PDE3A: variants seen among roughly 807,000 people sequenced by gnomAD.
The protein encoded by PDE3A is cGMP-inhibited 3',5'-cyclic phosphodiesterase 3A.
A neutral mutation model predicts 98.3 loss-of-function variants in PDE3A; 43 were observed. The ratio of observed to expected loss-of-function variants is 0.44; its 90% CI spans 0.34 to 0.56. The LOEUF (loss-of-function observed/expected upper bound fraction) is 0.56. Ranked by LOEUF, PDE3A falls within the 20% of genes least tolerant of loss-of-function variation. PDE3A has a pLI of 0.01. For synonymous variants in PDE3A, 663 were observed against 567.9 expected (o/e 1.17, Z -2.38); for missense variants, 1,427 against 1,440.7 (o/e 0.99, Z 0.15).
Position 20,588,924 on chromosome 12 carries a change from T to TTTTTG in PDE3A, c.1012-24517_1012-24516insTTGTT, listed in dbSNP as rs1242395329. The stretch of plus-strand genomic sequence containing the variant: ...TTAATTCATGGGGTTATCCTTTTTG[T>TTTTTG]TTGTTTGTTTGTTTTTGAGACGGGG... On this transcript the variant is annotated intron_variant, in intron 2 of 15. Coordinates refer to ENST00000359062, the MANE Select transcript of PDE3A (RefSeq NM_000921.5). Among the ~76,000 whole-genome samples the TTTTTG allele has an allele frequency of 9.6e-4, 146 of 152,022 alleles. 1 individual carries two copies. Among genetic ancestry groups the TTTTTG allele is most frequent in the Middle Eastern group, 3.2e-3 (1 of 316 alleles).
intron 1 of PDE3A, among the ~76,000 whole-genome samples, chr12:20,462,034 T>A (rs10841539): frequency 0.27 from 40,877 of 151,978 alleles, 7,118 homozygotes; most frequent in East Asian, 0.66. Flanking sequence ...GCTACTTAGA[T>A]GTAGATAGAG....
intron 10 of PDE3A, among the ~76,000 whole-genome samples, chr12:20,641,070 A>G (rs1944636965): frequency 6.6e-6 from 1 of 152,158 alleles, no homozygotes; most frequent in Admixed American, 6.6e-5. Flanking sequence ...GGGGTATCAC[A>G]TCAACTTAGG....
intron 1 of PDE3A, among the ~76,000 whole-genome samples, chr12:20,478,845 T>C (rs1439018007): frequency 6.6e-6 from 1 of 152,218 alleles, no homozygotes; most frequent in Non-Finnish European, 1.5e-5. Context: ...TCAAATCATT[T>C]CCAGGTCAAA....
intron 2 of PDE3A, among the ~76,000 whole-genome samples, chr12:20,604,758 A>C (rs2121421170): frequency 6.6e-6 from 1 of 152,320 alleles, no homozygotes; most frequent in African/African-American, 2.4e-5. Context: ...CTTAATACAT[A>C]GAGTATGCAG....
intron 1 of PDE3A, among the ~76,000 whole-genome samples, chr12:20,491,807 G>A (rs1442486850): frequency 3.3e-5 from 5 of 152,084 alleles, no homozygotes; most frequent in Non-Finnish European, 7.4e-5. Context: ...TTACTCTACC[G>A]GTATAATCGA....
Position 20,369,243 on chromosome 12 carries a change from C to T in PDE3A, c.-42C>T. Reference sequence around the variant, plus strand: ...CGCGCGTGGGTCGGGGCGGGGGCGTCGGGGGGCCACTGGGAATTCAGTGAA... The same window carrying T: ...CGCGCGTGGGTCGGGGCGGGGGCGTTGGGGGGCCACTGGGAATTCAGTGAA... On this transcript the variant is annotated 5_prime_UTR_variant, in exon 1 of 16. Transcript: ENST00000359062. 7.1e-7 allele frequency: 1 copy of T among 1,417,204 alleles called. No homozygotes were observed. The highest frequency in any genetic ancestry group is 9.4e-7 in the Non-Finnish European group (1 of 1,065,272). The allele number at this position is 1,417,204 out of a possible 1,614,324, so 87.8% of individuals were successfully genotyped here.
At chr12:20,434,100 C>T (rs1944741508) in intron 1 of PDE3A, among the ~76,000 whole-genome samples, 1 of 152,002 alleles carries the variant, frequency 6.6e-6, no homozygotes, top group Non-Finnish European at 1.5e-5. Context: ...CATTGGTATT[C>T]TTTTAAAATA....
chr12:20,490,670 C>T (rs776706249), intron 1 of PDE3A, among the ~76,000 whole-genome samples: 4 of 152,086 alleles, frequency 2.6e-5, no homozygotes, highest in Non-Finnish European at 5.9e-5. Flanking sequence ...CAAAGAAGAC[C>T]ATAAAATTCT....
rs1592049275 is a variant in PDE3A, at chr12:20,552,148, G to A, written c.961-4512G>A. 6.2e-7 allele frequency: 1 copy of A among 1,613,720 alleles called. No homozygotes were observed. Among genetic ancestry groups the A allele is most frequent in the East Asian group, 2.2e-5 (1 of 44,880 alleles). ...TCAGAAACTCACCAACACCAACAGG[G>A]CGCTGGCTCTCAACTGCTTTGCTCC... On this transcript the variant is annotated intron_variant, in intron 1 of 15. Coordinates refer to ENST00000359062, the MANE Select transcript of PDE3A (RefSeq NM_000921.5). The surrounding 1 kb of genome is among the most constrained non-coding windows in gnomAD (Gnocchi z 5.1).
At chr12:20,506,631 A>C (rs1007143037) in intron 1 of PDE3A, among the ~76,000 whole-genome samples, 1 of 152,064 alleles carries the variant, frequency 6.6e-6, no homozygotes, top group Non-Finnish European at 1.5e-5. Flanking sequence ...TGGCTCATAC[A>C]TATCTTCAGA....
chr12:20,436,455 C>T (rs1486371418), intron 1 of PDE3A, among the ~76,000 whole-genome samples: 1 of 152,028 alleles, frequency 6.6e-6, no homozygotes, highest in East Asian at 1.9e-4. Context: ...GTTTTTTTCC[C>T]AAGACTTTTA....
intron 1 of PDE3A, among the ~76,000 whole-genome samples, chr12:20,546,780 G>T (rs1052445499): frequency 6.6e-6 from 1 of 152,036 alleles, no homozygotes; most frequent in Non-Finnish European, 1.5e-5. Context: ...ATATAAGGGT[G>T]TCTTTGTGGC....
chr12:20,403,903 G>C (rs1944179723), intron 1 of PDE3A, among the ~76,000 whole-genome samples: 1 of 151,932 alleles, frequency 6.6e-6, no homozygotes, highest in East Asian at 1.9e-4. Context: ...CGTTAGATTA[G>C]ACATGGTAGG....
chr12:20,685,546 G>A lies in PDE3A; in HGVS notation c.*5275G>A, dbSNP rs1565482307. Among the ~76,000 whole-genome samples the A allele has an allele frequency of 6.6e-6, 1 of 151,920 alleles. No individual in the cohort carries two copies. The highest frequency in any genetic ancestry group is 2.4e-5 in the African/African-American group (1 of 41,324). ...AAAATACTGACCTAGTATCAGTGTA[G>A]GTAAGACCATAAAATACAGTGTATA... On this transcript the variant is annotated 3_prime_UTR_variant, in exon 16 of 16. Coordinates refer to ENST00000359062, the MANE Select transcript of PDE3A (RefSeq NM_000921.5).
intron 1 of PDE3A, among the ~76,000 whole-genome samples, chr12:20,532,057 G>A (rs977833260): frequency 2.0e-5 from 3 of 151,914 alleles, no homozygotes; most frequent in Admixed American, 6.6e-5. Context: ...GCAAAATATG[G>A]AGCAGATACA....
At chr12:20,573,213 AT>A (rs1184211952) in intron 2 of PDE3A, among the ~76,000 whole-genome samples, 1 of 152,112 alleles carries the variant, frequency 6.6e-6, no homozygotes, top group Non-Finnish European at 1.5e-5. Flanking sequence ...TTGAATATGT[AT>A]TTTTGCCATA....
At chr12:20,565,846 A>G (rs1942641949) in intron 2 of PDE3A, among the ~76,000 whole-genome samples, 1 of 151,994 alleles carries the variant, frequency 6.6e-6, no homozygotes, top group Admixed American at 6.6e-5. Flanking sequence ...TTTATGGTAC[A>G]GGAATTTTTC....
At chr12:20,420,246 G>C (rs1166712980) in intron 1 of PDE3A, among the ~76,000 whole-genome samples, 1 of 152,144 alleles carries the variant, frequency 6.6e-6, no homozygotes, top group African/African-American at 2.4e-5. Flanking sequence ...GTATTGGAGA[G>C]AGACTATTTG....
At chr12:20,555,244 C>G (rs962147578) in intron 1 of PDE3A, among the ~76,000 whole-genome samples, 1 of 152,164 alleles carries the variant, frequency 6.6e-6, no homozygotes, top group Non-Finnish European at 1.5e-5. Context: ...GAACTCCTCA[C>G]CACAGGAAAT....
Sources: gnomAD v4.1 joint callset for allele counts (sites outside exome capture counted in the v4.1 genomes callset) on GRCh38, gnomAD v4.1.1 for gene constraint, Gnocchi (gnomAD v3.1) non-coding constraint, MANE v1.5 for transcripts, NCBI Gene and HGNC (gene_info 2026-07-23, HGNC 2026-07-21) for gene names.